CAMKMT: variants seen among roughly 807,000 people sequenced by gnomAD.
CAMKMT encodes the protein CaM KMT.
A neutral mutation model predicts 48.0 loss-of-function variants in CAMKMT; 53 were observed. That is an observed-to-expected ratio of 1.10 (90% confidence interval 0.89 to 1.39). The LOEUF is 1.39. Among genes scored for constraint, CAMKMT ranks in the 40% most tolerant of loss-of-function variants. The pLI, the probability that CAMKMT is intolerant of heterozygous loss-of-function variation, is 0.00. For missense variants in CAMKMT, 428 were observed against 402.7 expected (o/e 1.06, Z -0.54); for synonymous variants, 165 against 152.3 (o/e 1.08, Z -0.61).
At chr2:44,453,327 T>C (rs1273588462) in intron 3 of CAMKMT, among the ~76,000 whole-genome samples, 1 of 152,070 alleles carries the variant, frequency 6.6e-6, no homozygotes, top group East Asian at 1.9e-4. Flanking sequence ...AAATATCTAT[T>C]AGCTCTAAGG....
chr2:44,753,922 T>C (rs1680262576), intron 8 of CAMKMT, 133 bp from the exon 9 acceptor site: 3 of 679,152 alleles, frequency 4.4e-6, no homozygotes, highest in Non-Finnish European at 2.6e-6. Context: ...GTGAGACACT[T>C]GAATGGTAGG....
chr2:44,480,884 A>G (rs531669954), intron 3 of CAMKMT, among the ~76,000 whole-genome samples: 50 of 152,238 alleles, frequency 3.3e-4, no homozygotes, highest in Middle Eastern at 3.4e-3. Context: ...TACATATCAT[A>G]CATAGAGATG....
rs185768810 is a variant in CAMKMT at position 44,409,195 on chromosome 2, A to C, written c.376+18890A>C. 2.8e-3 allele frequency among the ~76,000 whole-genome samples: 383 copies of C among 138,978 alleles called. 17 individuals are homozygous for C. The highest frequency in any genetic ancestry group is 0.01 in the African/African-American group (368 of 35,114). The allele number at this position is 138,978 out of a possible 152,430, so 91.2% of individuals were successfully genotyped here. ...TATATATATATATGTATATTGCTAC[A>C]TAAAGACAACTAGCCAAAATTCAAC... is the stretch of plus-strand genomic sequence containing the variant. On this transcript the variant is annotated intron_variant, in intron 3 of 10. Transcript: ENST00000378494.
chr2:44,398,494 G>A (rs1196507519), intron 3 of CAMKMT, among the ~76,000 whole-genome samples: 3 of 151,370 alleles, frequency 2.0e-5, no homozygotes, highest in South Asian at 2.1e-4. Context: ...CAAAGAATGC[G>A]TTTTCTTTTA....
intron 1 of CAMKMT, among the ~76,000 whole-genome samples, chr2:44,364,965 G>C (rs1558537979): frequency 6.6e-6 from 1 of 152,118 alleles, no homozygotes; most frequent in African/African-American, 2.4e-5. Flanking sequence ...AAATTCAAGG[G>C]GCAGGGAAAT....
intron 3 of CAMKMT, among the ~76,000 whole-genome samples, chr2:44,637,935 C>T (rs887940521): frequency 6.6e-6 from 1 of 151,742 alleles, no homozygotes; most frequent in South Asian, 2.1e-4. Context: ...CATGGTGGCA[C>T]GTGCCTGTAG....
In CAMKMT at chr2:44,465,070, C is replaced by T. The variant is rs138829658; in HGVS notation, c.376+74765C>T. Among the ~76,000 whole-genome samples, 262 of 151,916 alleles carry T rather than the reference C, an allele frequency of 1.7e-3. No homozygotes were observed. The Middle Eastern group carries it at 0.027, about 16-fold the overall frequency. ...AGATAAAAGCACTGAAAATAGCTAA[C>T]TATAAAACTATGTTAATGAATATAA... On this transcript the variant is annotated intron_variant, in intron 3 of 10. Transcript: ENST00000378494.
chr2:44,464,929 T>C (rs992404505), intron 3 of CAMKMT, among the ~76,000 whole-genome samples: 4 of 152,154 alleles, frequency 2.6e-5, no homozygotes, highest in Admixed American at 6.5e-5. Context: ...TATAGATAAA[T>C]ACAGAATCCT....
chr2:44,511,092 C>T (rs1014261181), intron 3 of CAMKMT, among the ~76,000 whole-genome samples: 1 of 152,196 alleles, frequency 6.6e-6, no homozygotes, highest in Non-Finnish European at 1.5e-5. Context: ...CTGCCCGCCT[C>T]AGCCTCCCAA....
chr2:44,766,580 T>C lies in CAMKMT; in HGVS notation c.894+19T>C, dbSNP rs1680851304. ...CTCCAAGGTTAGTTTTCTGCTTGTG[T>C]TAGATAACACTTTAATCCGCATTGC... On this transcript the variant is annotated intron_variant, in intron 10 of 10. Transcript: ENST00000378494. 1 of 1,612,690 alleles carries C rather than the reference T, an allele frequency of 6.2e-7. No homozygotes were observed. The highest frequency in any genetic ancestry group is 1.3e-5 in the African/African-American group (1 of 74,890).
chr2:44,393,216 A>T lies in CAMKMT; in HGVS notation c.376+2911A>T, dbSNP rs528591213. The T allele has an allele frequency of 1.0e-3, 154 of 152,332 alleles. 1 individual carries two copies. Among genetic ancestry groups the T allele is most frequent in the African/African-American group, 3.6e-3 (151 of 41,590 alleles). The allele number at this position is 152,332 out of a possible 1,614,324, so 9.4% of individuals were successfully genotyped here. A position where few individuals can be genotyped will look rare whatever the true frequency, so the allele number is the denominator to read the frequency against. Reference sequence around the variant, plus strand: ...CGTGGAAAAATCTCTTTAATTTTGGAAAATAAACCTCTAGATAACTTATTT... The same window carrying T: ...CGTGGAAAAATCTCTTTAATTTTGGTAAATAAACCTCTAGATAACTTATTT... On this transcript the variant is annotated intron_variant, in intron 3 of 10. Coordinates refer to ENST00000378494, the MANE Select transcript of CAMKMT (RefSeq NM_024766.5).
At chr2:44,532,695 A>G (rs996905907) in intron 3 of CAMKMT, among the ~76,000 whole-genome samples, 2 of 152,236 alleles carry the variant, frequency 1.3e-5, no homozygotes, top group African/African-American at 4.8e-5. Flanking sequence ...CTTCACCAGT[A>G]AGGCACATTT....
At chr2:44,583,988 T>G (rs1267920988) in intron 3 of CAMKMT, among the ~76,000 whole-genome samples, 1 of 152,186 alleles carries the variant, frequency 6.6e-6, no homozygotes, top group Non-Finnish European at 1.5e-5. Flanking sequence ...ACACATCCCC[T>G]CATTCAACAT....
rs1837117 is a variant in CAMKMT at position 44,697,574 on chromosome 2, C to A, written c.377-6709C>A. 7.0e-3 allele frequency among the ~76,000 whole-genome samples: 1,070 copies of A among 152,082 alleles called. 11 individuals carry two copies. The highest frequency in any genetic ancestry group is 0.025 in the African/African-American group (1,021 of 41,472). ...AGACCTTTATAAACTCCAGAGAAAA[C>A]AAAAATGTGTGCATGAAAGAAAAAA... On this transcript the variant is annotated intron_variant, in intron 3 of 10. Transcript: ENST00000378494.
chr2:44,536,033 A>G (rs770622139), intron 3 of CAMKMT, among the ~76,000 whole-genome samples: 1 of 152,230 alleles, frequency 6.6e-6, no homozygotes, highest in Non-Finnish European at 1.5e-5. Flanking sequence ...TACAAAATCA[A>G]CATACAAAAT....
At chr2:44,404,661 C>T (rs1274593020) in intron 3 of CAMKMT, among the ~76,000 whole-genome samples, 6 of 152,076 alleles carry the variant, frequency 3.9e-5, no homozygotes, top group Non-Finnish European at 8.8e-5. Context: ...TAAAAATCTA[C>T]TTAATGTTTC....
At chr2:44,583,034 C>T (rs1280290286) in intron 3 of CAMKMT, among the ~76,000 whole-genome samples, 2 of 152,042 alleles carry the variant, frequency 1.3e-5, no homozygotes, top group Non-Finnish European at 2.9e-5. Flanking sequence ...CCACAAAAAA[C>T]CCTTAAAATA....
chr2:44,648,604 G>T (rs1415734652), intron 3 of CAMKMT, among the ~76,000 whole-genome samples: 1 of 152,140 alleles, frequency 6.6e-6, no homozygotes, highest in South Asian at 2.1e-4. Context: ...TCCTTTTAAA[G>T]ACCATACACA....
intron 3 of CAMKMT, among the ~76,000 whole-genome samples, chr2:44,433,558 C>T (rs1684774931): frequency 6.6e-6 from 1 of 151,798 alleles, no homozygotes; most frequent in South Asian, 2.1e-4. Context: ...TTTGCTTAGT[C>T]TAAATTAAAA....
Sources: gnomAD v4.1 joint callset for allele counts (sites outside exome capture counted in the v4.1 genomes callset) on GRCh38, gnomAD v4.1.1 for gene constraint, MANE v1.5 for transcripts, NCBI Gene and HGNC (gene_info 2026-07-23, HGNC 2026-07-21) for gene names.